The following TRPC4 variants were observed in gnomAD, a reference collection of about 807,000 sequenced individuals.
The protein encoded by TRPC4 is transient receptor potential cation channel subfamily C member 4.
TRPC4 carries 49 observed loss-of-function variants against 99.4 expected under a neutral mutation model. That is an observed-to-expected ratio of 0.49 (90% CI 0.39 to 0.63). The LOEUF is 0.63. TRPC4 is among the 20% of genes least tolerant of loss of function. The pLI is 0.00. For missense variants in TRPC4, 898 were observed against 1,152.9 expected, an observed-to-expected ratio of 0.78 and a Z score of 3.20; for synonymous variants, 454 against 425.9, an observed-to-expected ratio of 1.07 and a Z score of -0.81.
Position 37,796,659 on chromosome 13 carries a change from T to C in TRPC4, c.-27-13299A>G, listed in dbSNP as rs181546292. Among the ~76,000 whole-genome samples the C allele has an allele frequency of 3.1e-3, 478 of 152,128 alleles. 4 individuals are homozygous for C. The highest frequency in any genetic ancestry group is 0.011 in the African/African-American group (448 of 41,478). Reference sequence around the variant, plus strand: ...TTAGTACCTCAGATCTGAAGCTTGTTTGAAAATTGAATCCTGGCTGCAGTG... The same window carrying C: ...TTAGTACCTCAGATCTGAAGCTTGTCTGAAAATTGAATCCTGGCTGCAGTG... On this transcript the variant is annotated intron_variant, in intron 1 of 10. Transcript: ENST00000379705.
At position 37,637,383 on chromosome 13, in the gene TRPC4, G is replaced by T. The variant is rs1951566221; in HGVS notation, c.2454C>A (p.Ser818Arg). The T allele has an allele frequency of 6.2e-7, 1 of 1,613,474 alleles. No individual in the cohort carries two copies. The highest frequency in any genetic ancestry group is 1.3e-5 in the African/African-American group (1 of 74,792). Residue 818 changes from serine to arginine, a missense_variant, in exon 11 of 11, where the codon AGC becomes AGA. Ser to Arg is a moderately radical substitution (Grantham distance 110). This residue lies in a region of TRPC4 where 346 missense variants were observed against 351.4 expected (regional missense o/e 0.98). Transcript: ENST00000379705. ...CCTGAACCACCAGGGCAGAGCCATT[G>T]CTTATGTTATGTCTTTCAGAGGCAA... Reference protein sequence around the residue: ...AAIASERHNISNGSALVVQEP... With the variant: ...AAIASERHNIRNGSALVVQEP...
At chr13:37,733,258 G>C (rs1955294180) in intron 3 of TRPC4, among the ~76,000 whole-genome samples, 1 of 152,130 alleles carries the variant, frequency 6.6e-6, no homozygotes, top group African/African-American at 2.4e-5. Context: ...GCATGACAGA[G>C]TGAGACCCAG....
At chr13:37,766,044 A>G (rs1956356355) in intron 2 of TRPC4, among the ~76,000 whole-genome samples, 1 of 151,396 alleles carries the variant, frequency 6.6e-6, no homozygotes, top group Non-Finnish European at 1.5e-5. Context: ...ATTAATGTAG[A>G]TTTACATTAA....
chr13:37,750,185 G>A (rs986654344), intron 2 of TRPC4, among the ~76,000 whole-genome samples: 2 of 151,984 alleles, frequency 1.3e-5, no homozygotes, highest in African/African-American at 2.4e-5. Flanking sequence ...TCAATTCTGC[G>A]AAATATTTCA....
At chr13:37,811,162 C>T (rs1957674647) in intron 1 of TRPC4, among the ~76,000 whole-genome samples, 2 of 151,934 alleles carry the variant, frequency 1.3e-5, no homozygotes, top group South Asian at 2.1e-4. Flanking sequence ...ATCTTAGAAG[C>T]TAATAATAAA....
chr13:37,717,345 T>C (rs1954712371), intron 3 of TRPC4, among the ~76,000 whole-genome samples: 1 of 152,144 alleles, frequency 6.6e-6, no homozygotes, highest in Non-Finnish European at 1.5e-5. Context: ...TATTGGCTAC[T>C]TAATAGTAGG....
chr13:37,649,370 G>A (rs966374679), intron 8 of TRPC4, among the ~76,000 whole-genome samples: 1 of 151,866 alleles, frequency 6.6e-6, no homozygotes, highest in Non-Finnish European at 1.5e-5. Context: ...CCATGCCTTC[G>A]TACCTCTTCC....
At position 37,634,506 on chromosome 13, in the gene TRPC4, T is replaced by C. The variant is rs1476687887; in HGVS notation, c.*2397A>G. Among the ~76,000 whole-genome samples, 1 of 152,028 alleles carries C rather than the reference T, an allele frequency of 6.6e-6. No individual in the cohort carries two copies. Among genetic ancestry groups the C allele is most frequent in the East Asian group, 1.9e-4 (1 of 5,184 alleles). On this transcript the variant is annotated 3_prime_UTR_variant, in exon 11 of 11. Transcript: ENST00000379705. The stretch of plus-strand genomic sequence containing the variant: ...TACTTGCTCCAAATACATTCCTCTA[T>C]TACCATCATGTCCCCCTATAAAATG...
rs1951514987 is a variant in TRPC4, at chr13:37,636,220, T to C, written c.*683A>G. 6.6e-6 allele frequency among the ~76,000 whole-genome samples: 1 copy of C among 152,058 alleles called. No individual in the cohort carries two copies. Among genetic ancestry groups the C allele is most frequent in the Non-Finnish European group, 1.5e-5 (1 of 67,978 alleles). On this transcript the variant is annotated 3_prime_UTR_variant, in exon 11 of 11. Coordinates refer to ENST00000379705, the MANE Select transcript of TRPC4 (RefSeq NM_016179.4). Reference sequence around the variant, plus strand: ...AAACTGGAGGGGCGAGTTTTTTTCCTGACAAAATGTCGTTAAAAATCATCA... The same window carrying C: ...AAACTGGAGGGGCGAGTTTTTTTCCCGACAAAATGTCGTTAAAAATCATCA...
At chr13:37,774,184 T>G (rs971820089) in intron 2 of TRPC4, among the ~76,000 whole-genome samples, 7 of 151,720 alleles carry the variant, frequency 4.6e-5, no homozygotes, top group Non-Finnish European at 1.0e-4. Flanking sequence ...TATCACCTTT[T>G]TTAAGGGAAG....
In TRPC4 at chr13:37,746,330, C is replaced by T; in HGVS notation, c.504G>A (p.Val168=). 1 of 1,613,756 alleles carries T rather than the reference C, an allele frequency of 6.2e-7. No individual in the cohort carries two copies. Residue 168 remains valine (V), a synonymous_variant, in exon 3 of 11, where the codon GTG becomes GTA. Coordinates refer to ENST00000379705, the MANE Select transcript of TRPC4 (RefSeq NM_016179.4). ...TACAGCGGACCTCGTGGGGTCGAGGCACTGAGACTCCTTTCTGAACCAAGA... is the reference window on the plus strand; with the variant it reads ...TACAGCGGACCTCGTGGGGTCGAGGTACTGAGACTCCTTTCTGAACCAAGA... The part of the protein sequence containing the change: ...IKLLVQKGVS[V]PRPHEVRCNC...
At chr13:37,837,057 T>A (rs1467293290) in intron 1 of TRPC4, among the ~76,000 whole-genome samples, 1 of 152,200 alleles carries the variant, frequency 6.6e-6, no homozygotes, top group Non-Finnish European at 1.5e-5. Flanking sequence ...CCTTGGCAGC[T>A]CCCACATGGT....
At chr13:37,848,628 T>C (rs1186337696) in intron 1 of TRPC4, among the ~76,000 whole-genome samples, 5 of 152,050 alleles carry the variant, frequency 3.3e-5, no homozygotes, top group African/African-American at 1.2e-4. Context: ...ACACACACCC[T>C]CATCCCATCA....
chr13:37,711,218 T>C (rs1449796239), intron 3 of TRPC4, among the ~76,000 whole-genome samples: 1 of 151,992 alleles, frequency 6.6e-6, no homozygotes, highest in African/African-American at 2.4e-5. Context: ...CACAAATAAC[T>C]TTTTGGAACA....
At position 37,779,965 on chromosome 13, in the gene TRPC4, T is replaced by C. The variant is rs186155608; in HGVS notation, c.378+2991A>G. ...ATCATTTTCTGAGGATTCATTTTCA[T>C]CTCTTCAGTTCTGACAGCCTTTATT... On this transcript the variant is annotated intron_variant, in intron 2 of 10. Transcript: ENST00000379705. 1.2e-4 allele frequency among the ~76,000 whole-genome samples: 18 copies of C among 152,202 alleles called. No homozygotes were observed. In the East Asian group the frequency reaches 3.1e-3, roughly 26 times the overall value.
intron 3 of TRPC4, among the ~76,000 whole-genome samples, chr13:37,705,071 A>G (rs923875348): frequency 1.3e-5 from 2 of 152,218 alleles, no homozygotes; most frequent in African/African-American, 4.8e-5. Flanking sequence ...GTATCAAAGG[A>G]TAAAGAAGCT....
intron 1 of TRPC4, among the ~76,000 whole-genome samples, chr13:37,836,034 G>A (rs1294861833): frequency 6.6e-6 from 1 of 152,032 alleles, no homozygotes; most frequent in Admixed American, 6.6e-5. Context: ...TCTCATGATA[G>A]TGAATAAGTC....
intron 3 of TRPC4, among the ~76,000 whole-genome samples, chr13:37,710,893 T>C (rs1251851300): frequency 6.6e-6 from 1 of 151,920 alleles, no homozygotes; most frequent in East Asian, 1.9e-4. Flanking sequence ...TGAAGGTAAT[T>C]GAGAAATAAG....
chr13:37,718,195 G>C (rs775656543), intron 3 of TRPC4, among the ~76,000 whole-genome samples: 1 of 152,102 alleles, frequency 6.6e-6, no homozygotes, highest in Non-Finnish European at 1.5e-5. Context: ...TGCATACGTA[G>C]GGCAGACTGC....
Sources: gnomAD v4.1 joint callset for allele counts (sites outside exome capture counted in the v4.1 genomes callset) on GRCh38, gnomAD v4.1.1 for gene constraint, gnomAD v4.1.1 regional missense constraint, MANE v1.5 for transcripts, NCBI Gene and HGNC (gene_info 2026-07-23, HGNC 2026-07-21) for gene names.